Variants in PRKCA observed in about 807,000 individuals in gnomAD.
PRKCA encodes the protein protein kinase C alpha type.
Under a neutral mutation model 87.0 loss-of-function variants are expected in PRKCA, and 27 were observed. That is an observed-to-expected ratio of 0.31 (90% confidence interval 0.23 to 0.43). The LOEUF is 0.43. Among genes scored for constraint, PRKCA ranks in the 20% least tolerant of loss-of-function variants. The pLI is 1.00. For synonymous variants in PRKCA, 329 were observed against 311.1 expected (o/e 1.06, Z -0.61); for missense variants, 518 against 852.3 (o/e 0.61, Z 4.88).
intron 5 of PRKCA, among the ~76,000 whole-genome samples, chr17:66,672,124 A>C (rs572253183): frequency 6.6e-6 from 1 of 152,352 alleles, no homozygotes; most frequent in South Asian, 2.1e-4. Context: ...GAAAAAATAA[A>C]AGGAAATGTT....
intron 2 of PRKCA, among the ~76,000 whole-genome samples, chr17:66,403,086 TTA>T (rs965527603): frequency 4.6e-5 from 7 of 152,222 alleles, no homozygotes; most frequent in Non-Finnish European, 8.8e-5. Context: ...TTTAACAGTG[TTA>T]TATTAAGAAT....
chr17:66,383,560 AG>A (rs1360142994), intron 2 of PRKCA, among the ~76,000 whole-genome samples: 1 of 152,208 alleles, frequency 6.6e-6, no homozygotes, highest in Non-Finnish European at 1.5e-5. Flanking sequence ...GAGTTATTCT[AG>A]GTCAGTGGAA....
rs1969663246 is a variant in PRKCA at position 66,587,875 on chromosome 17, G to A, written c.289-53480G>A. Among the ~76,000 whole-genome samples, 2 of 83,358 alleles carry A rather than the reference G, an allele frequency of 2.4e-5. 1 individual carries two copies. The highest frequency in any genetic ancestry group is 4.5e-5 in the Non-Finnish European group (2 of 44,670). 54.7% of individuals were successfully genotyped at this position (83,358 alleles called of 152,430 possible). On this transcript the variant is annotated intron_variant, in intron 3 of 16. Transcript: ENST00000413366. ...TATACATATATACATATGTATGTGT[G>A]TGTGTGTGTGTGTGTGTGTGTATAT...
intron 8 of PRKCA, among the ~76,000 whole-genome samples, chr17:66,695,556 G>C (rs1371339922): frequency 6.6e-6 from 1 of 152,090 alleles, no homozygotes; most frequent in Non-Finnish European, 1.5e-5. Context: ...AATTGTCCAG[G>C]CTTTTTATTG....
chr17:66,798,432 T>TGACGGTGGTGACGGTGGTGGTGGTGATG (rs1975735045), intron 16 of PRKCA, among the ~76,000 whole-genome samples: 1 of 70,228 alleles, frequency 1.4e-5, no homozygotes, highest in Non-Finnish European at 2.8e-5. Context: ...GTGGTGGTGG[T>TGACGGTGGTGACGGTGGTGGTGGTGATG]GACGGTGGTG....
At chr17:66,630,575 A>G (rs1970983378) in intron 3 of PRKCA, among the ~76,000 whole-genome samples, 1 of 152,190 alleles carries the variant, frequency 6.6e-6, no homozygotes, top group Admixed American at 6.5e-5. Flanking sequence ...GCATGTCCCA[A>G]ATAGCAGCTG....
chr17:66,807,802 A>G lies in PRKCA; in HGVS notation c.*3765A>G, dbSNP rs1173544000. 1 of 152,242 alleles carries G rather than the reference A, an allele frequency of 6.6e-6. No homozygotes were observed. Among genetic ancestry groups the G allele is most frequent in the African/African-American group, 2.4e-5 (1 of 41,438 alleles). 9.4% of individuals were successfully genotyped at this position (152,242 alleles called of 1,614,324 possible). On this transcript the variant is annotated 3_prime_UTR_variant, in exon 17 of 17. Coordinates refer to ENST00000413366, the MANE Select transcript of PRKCA (RefSeq NM_002737.3). The surrounding 1 kb of genome is among the most constrained non-coding windows in gnomAD (Gnocchi z 4.3). ...TGCAGACTTCCAGAGAGCCCCCCCA[A>G]CGGACGTGCTGAGAAGGGAGAGGGA...
chr17:66,673,746 A>G (rs902511941), intron 5 of PRKCA, among the ~76,000 whole-genome samples: 1 of 152,220 alleles, frequency 6.6e-6, no homozygotes, highest in African/African-American at 2.4e-5. Flanking sequence ...ATCGTGGTTG[A>G]TGACACCTGT....
intron 2 of PRKCA, among the ~76,000 whole-genome samples, chr17:66,466,376 C>T (rs186868871): frequency 1.2e-4 from 18 of 152,236 alleles, no homozygotes; most frequent in African/African-American, 3.9e-4. Flanking sequence ...GGGAGCCCTG[C>T]GTTTGAGGCC....
At chr17:66,721,081 A>T (rs755615884) in intron 8 of PRKCA, among the ~76,000 whole-genome samples, 1 of 152,164 alleles carries the variant, frequency 6.6e-6, no homozygotes, top group Non-Finnish European at 1.5e-5. Flanking sequence ...AAGTGAAAGC[A>T]AGTTTACTAA....
intron 8 of PRKCA, among the ~76,000 whole-genome samples, chr17:66,726,885 G>A (rs1173137380): frequency 6.6e-6 from 1 of 152,060 alleles, no homozygotes. Flanking sequence ...CCACCACGTT[G>A]GCTAATTTTT....
At chr17:66,777,511 T>C (rs1181639707) in intron 14 of PRKCA, 1 of 974,752 alleles carries the variant, frequency 1.0e-6, no homozygotes, top group Non-Finnish European at 1.2e-6. Context: ...ACAGTCACCA[T>C]CAGTGAGTCA....
chr17:66,593,726 A>G (rs1239853707), intron 3 of PRKCA, among the ~76,000 whole-genome samples: 2 of 152,232 alleles, frequency 1.3e-5, no homozygotes, highest in African/African-American at 2.4e-5. Flanking sequence ...TGTTCTGCCC[A>G]TCTTGCCAGA....
At chr17:66,691,003 C>T (rs1972769784) in intron 8 of PRKCA, among the ~76,000 whole-genome samples, 4 of 151,736 alleles carry the variant, frequency 2.6e-5, no homozygotes, top group Non-Finnish European at 5.9e-5. Context: ...GGTGTGGTGG[C>T]ATGCACCCAT....
chr17:66,370,539 C>A (rs929209833), intron 2 of PRKCA, among the ~76,000 whole-genome samples: 1 of 135,136 alleles, frequency 7.4e-6, no homozygotes, highest in Admixed American at 7.3e-5. Flanking sequence ...TATTTTTTTT[C>A]TTTTCTTTTC....
chr17:66,490,221 T>TA (rs1916177737), intron 2 of PRKCA, among the ~76,000 whole-genome samples: 1 of 152,228 alleles, frequency 6.6e-6, no homozygotes, highest in Non-Finnish European at 1.5e-5. Context: ...GTTGATAAGT[T>TA]AAAAATTTTT....
intron 3 of PRKCA, among the ~76,000 whole-genome samples, chr17:66,497,975 G>T (rs1048362175): frequency 5.3e-5 from 8 of 152,130 alleles, no homozygotes; most frequent in African/African-American, 1.9e-4. Context: ...CATACACACG[G>T]GTTCCACAAA....
intron 2 of PRKCA, among the ~76,000 whole-genome samples, chr17:66,458,634 C>G (rs953124510): frequency 6.6e-6 from 1 of 152,048 alleles, no homozygotes; most frequent in African/African-American, 2.4e-5. Context: ...GCATGCACCA[C>G]CACGCCCAGC....
At chr17:66,356,959 A>T (rs1311193146) in intron 2 of PRKCA, among the ~76,000 whole-genome samples, 1 of 152,084 alleles carries the variant, frequency 6.6e-6, no homozygotes, top group Non-Finnish European at 1.5e-5. Context: ...GAGTTTTGCC[A>T]TGTTGCCCAT....
Sources: gnomAD v4.1 joint callset for allele counts (sites outside exome capture counted in the v4.1 genomes callset) on GRCh38, gnomAD v4.1.1 for gene constraint, Gnocchi (gnomAD v3.1) non-coding constraint, MANE v1.5 for transcripts, NCBI Gene and HGNC (gene_info 2026-07-23, HGNC 2026-07-21) for gene names.